MYRFL: variants seen among roughly 807,000 people sequenced by gnomAD.
MYRFL encodes myelin regulatory factor like.
A neutral mutation model predicts 109.4 loss-of-function variants in MYRFL; 88 were observed. The observed-to-expected ratio is 0.80, with a 90% CI of 0.68 to 0.96. The LOEUF is 0.96. Ranked by LOEUF, MYRFL falls within the 40% of genes least tolerant of loss-of-function variation. The pLI, the probability that MYRFL is intolerant of heterozygous loss-of-function variation, is 0.00. For synonymous variants in MYRFL, 324 were observed against 320.9 expected, an observed-to-expected ratio of 1.01 and a Z score of -0.10; for missense variants, 957 against 954.9, an observed-to-expected ratio of 1.00 and a Z score of -0.03.
At chr12:69,915,891 ATT>A (rs1954714683) in intron 13 of MYRFL, among the ~76,000 whole-genome samples, 1 of 152,126 alleles carries the variant, frequency 6.6e-6, no homozygotes, top group African/African-American at 2.4e-5. Context: ...GAGCATTATT[ATT>A]AGATGTGCTT....
At chr12:69,885,203 G>A (rs368042042) in intron 5 of MYRFL, among the ~76,000 whole-genome samples, 3 of 152,106 alleles carry the variant, frequency 2.0e-5, no homozygotes, top group East Asian at 3.9e-4. Context: ...ATTTGTAGCT[G>A]GGAAAAAAAG....
At chr12:69,951,835 C>T (rs1955984152) in intron 19 of MYRFL, among the ~76,000 whole-genome samples, 1 of 152,196 alleles carries the variant, frequency 6.6e-6, no homozygotes, top group South Asian at 2.1e-4. Flanking sequence ...AACAAACAGT[C>T]ACATTCTGAG....
chr12:69,859,269 C>T (rs1884490644), intron 2 of MYRFL, among the ~76,000 whole-genome samples: 1 of 152,102 alleles, frequency 6.6e-6, no homozygotes, highest in African/African-American at 2.4e-5. Context: ...AGAATATGAT[C>T]TATCTTGGTG....
intron 6 of MYRFL, among the ~76,000 whole-genome samples, chr12:69,888,959 G>T (rs1169173508): frequency 3.9e-5 from 6 of 152,148 alleles, no homozygotes; most frequent in African/African-American, 1.4e-4. Flanking sequence ...TGATTGTGGA[G>T]CCTTTGACTG....
At chr12:69,916,118 G>A (rs1264368829) in intron 13 of MYRFL, among the ~76,000 whole-genome samples, 2 of 151,806 alleles carry the variant, frequency 1.3e-5, no homozygotes, top group Non-Finnish European at 2.9e-5. Flanking sequence ...TAATCATAAT[G>A]TACCAGGAAT....
chr12:69,898,308 C>A (rs545970670), intron 10 of MYRFL, among the ~76,000 whole-genome samples: 79 of 152,282 alleles, frequency 5.2e-4, no homozygotes, highest in Admixed American at 8.5e-4. Context: ...TATGTCTCAA[C>A]GTTGTAATGG....
intron 9 of MYRFL, 84 bp downstream of exon 9, chr12:69,895,565 C>A: frequency 1.9e-6 from 2 of 1,031,478 alleles, no homozygotes; most frequent in African/African-American, 1.6e-5. Context: ...CTCTGATCTT[C>A]CTGGTGCTAC....
intron 8 of MYRFL, among the ~76,000 whole-genome samples, 166 bp downstream of exon 8, chr12:69,894,006 T>TTTC (rs1182635016): frequency 6.8e-6 from 1 of 146,152 alleles, no homozygotes; most frequent in African/African-American, 2.5e-5. Flanking sequence ...TTTTTTTTTT[T>TTTC]TTTTTTTGAG....
intron 8 of MYRFL, among the ~76,000 whole-genome samples, chr12:69,894,058 G>A (rs952833522): frequency 8.5e-5 from 12 of 141,442 alleles, no homozygotes; most frequent in East Asian, 8.2e-4. Context: ...GTGCAGTGGC[G>A]TGCTCTGGGC....
intron 9 of MYRFL, 25 bp downstream of exon 9, chr12:69,895,506 C>T: frequency 1.3e-6 from 2 of 1,521,738 alleles, no homozygotes; most frequent in Non-Finnish European, 1.8e-6. Flanking sequence ...GTGTGCATGG[C>T]AGTGTGGCTG....
intron 19 of MYRFL, among the ~76,000 whole-genome samples, chr12:69,940,841 C>CT (rs1177618067): frequency 3.2e-5 from 4 of 124,884 alleles, no homozygotes; most frequent in African/African-American, 1.2e-4. Flanking sequence ...GGAGGAAGAT[C>CT]TACCAAGCAA....
At position 69,940,813 on chromosome 12, in the gene MYRFL, G is replaced by A. The variant is rs201035407; in HGVS notation, c.2224+4181G>A. ...CATCTCATGTGCAGAGACACACATA[G>A]GCTCAAAATAAAAGGATGGAGGAAG... On this transcript the variant is annotated intron_variant, in intron 19 of 24. Coordinates refer to ENST00000552032, the MANE Select transcript of MYRFL (RefSeq NM_182530.3). Among the ~76,000 whole-genome samples, 122 of 133,662 alleles carry A rather than the reference G, an allele frequency of 9.1e-4. 1 individual carries two copies. In the East Asian group the frequency reaches 0.023, roughly 25 times the overall value. The allele number at this position is 133,662 out of a possible 152,430, so 87.7% of individuals were successfully genotyped here.
chr12:69,856,338 C>A (rs1884281542), intron 2 of MYRFL, among the ~76,000 whole-genome samples: 1 of 152,098 alleles, frequency 6.6e-6, no homozygotes, highest in African/African-American at 2.4e-5. Context: ...CCAGTTTTGG[C>A]AATTGTAAAT....
intron 19 of MYRFL, among the ~76,000 whole-genome samples, chr12:69,939,847 A>C (rs1955587582): frequency 6.6e-6 from 1 of 152,186 alleles, no homozygotes; most frequent in South Asian, 2.1e-4. Flanking sequence ...GAAGTGCTTA[A>C]AGGAGCTGAT....
Position 69,926,578 on chromosome 12 carries a change from T to C in MYRFL, c.1610T>C (p.Ile537Thr), listed in dbSNP as rs879039646. The change falls in exon 14 of 25, where the codon ATC (isoleucine) becomes ACC (threonine). Residue 537 changes from isoleucine to threonine, a missense_variant. By Grantham distance (89) the Ile-to-Thr change is moderately conservative. Coordinates refer to ENST00000552032, the MANE Select transcript of MYRFL (RefSeq NM_182530.3). ...ENFLMVDKDQ[I>T]FMENVGAVKQ... Reference sequence around the variant, plus strand: ...TTGATTTTTCCCTTTTAGGACCAGATCTTTATGGAAAATGTAGGTGCAGTG... The same window carrying C: ...TTGATTTTTCCCTTTTAGGACCAGACCTTTATGGAAAATGTAGGTGCAGTG... 21 of 1,505,138 alleles carry C rather than the reference T, an allele frequency of 1.4e-5. No homozygotes were observed. In the Admixed American group the frequency reaches 4.1e-4, roughly 29 times the overall value. 93.2% of individuals were successfully genotyped at this position (1,505,138 alleles called of 1,614,324 possible). A position where few individuals can be genotyped will look rare whatever the true frequency, so the allele number is the denominator to read the frequency against.
intron 1 of MYRFL, among the ~76,000 whole-genome samples, chr12:69,828,314 G>A (rs1483278506): frequency 6.6e-6 from 1 of 151,898 alleles, no homozygotes; most frequent in Non-Finnish European, 1.5e-5. Context: ...ATGTTCTTGG[G>A]GGATCAATAG....
At chr12:69,877,779 T>C (rs1409019735) in intron 2 of MYRFL, among the ~76,000 whole-genome samples, 2 of 152,170 alleles carry the variant, frequency 1.3e-5, no homozygotes, top group Non-Finnish European at 2.9e-5. Flanking sequence ...TGTTGGACTT[T>C]TAAACATACT....
intron 10 of MYRFL, among the ~76,000 whole-genome samples, chr12:69,902,072 T>C (rs539564122): frequency 3.3e-5 from 5 of 152,130 alleles, no homozygotes; most frequent in African/African-American, 1.2e-4. Context: ...TTTTGTATTT[T>C]TAGTAGAGAT....
intron 5 of MYRFL, among the ~76,000 whole-genome samples, chr12:69,884,372 C>T (rs946226028): frequency 3.3e-5 from 5 of 152,224 alleles, no homozygotes; most frequent in Admixed American, 1.3e-4. Flanking sequence ...AGGCTTTTCC[C>T]AGCTTATAGC....
Sources: gnomAD v4.1 joint callset for allele counts (sites outside exome capture counted in the v4.1 genomes callset) on GRCh38, gnomAD v4.1.1 for gene constraint, MANE v1.5 for transcripts, NCBI Gene and HGNC (gene_info 2026-07-23, HGNC 2026-07-21) for gene names.